HDGFL3: variants seen among roughly 807,000 people sequenced by gnomAD.
The protein encoded by HDGFL3 is hepatoma-derived growth factor-related protein 3.
Under a neutral mutation model 27.6 loss-of-function variants are expected in HDGFL3, and 6 were observed. That is an observed-to-expected ratio of 0.22 (90% CI 0.12 to 0.43). The LOEUF (loss-of-function observed/expected upper bound fraction) is 0.43, where lower values mean the gene tolerates loss of function less well. Among genes scored for constraint, HDGFL3 ranks in the 20% least tolerant of loss-of-function variants. HDGFL3 has a pLI of 1.00. For missense variants in HDGFL3, 207 were observed against 250.1 expected (o/e 0.83, Z 1.16); for synonymous variants, 88 against 88.9 (o/e 0.99, Z 0.05).
rs1234289060 is a variant in HDGFL3 at position 83,133,860 on chromosome 15, G to A, written c.*5410C>T. 1 of 152,240 alleles carries A rather than the reference G, an allele frequency of 6.6e-6. No homozygotes were observed. The highest frequency in any genetic ancestry group is 1.5e-5 in the Non-Finnish European group (1 of 68,074). The allele number at this position is 152,240 out of a possible 1,614,324, so 9.4% of individuals were successfully genotyped here. A position where few individuals can be genotyped will look rare whatever the true frequency, so the allele number is the denominator to read the frequency against. ...ACACTTAACATCCTATGCCTTAGGAGAAAGCTATGGTCAGGTGCTCACTCA... is the reference window on the plus strand; with the variant it reads ...ACACTTAACATCCTATGCCTTAGGAAAAAGCTATGGTCAGGTGCTCACTCA... On this transcript the variant is annotated 3_prime_UTR_variant, in exon 6 of 6. Transcript: ENST00000299633.
intron 3 of HDGFL3, among the ~76,000 whole-genome samples, chr15:83,121,349 T>G (rs903790179): frequency 6.6e-6 from 1 of 152,002 alleles, no homozygotes; most frequent in African/African-American, 2.4e-5. Flanking sequence ...CTCAAAGTGC[T>G]GGGATTACAG....
chr15:83,206,856 G>A (rs934984928), intron 1 of HDGFL3, among the ~76,000 whole-genome samples: 2 of 152,256 alleles, frequency 1.3e-5, no homozygotes, highest in Non-Finnish European at 2.9e-5. Flanking sequence ...GGCTCCCGCT[G>A]GCCTCTGGAT....
intron 2 of HDGFL3, among the ~76,000 whole-genome samples, chr15:83,161,410 C>A (rs150112882): frequency 6.6e-6 from 1 of 152,294 alleles, no homozygotes; most frequent in East Asian, 1.9e-4. Context: ...ATCCTCCAGC[C>A]TTGGCCTCCC....
chr15:83,187,823 G>C (rs563379335), intron 1 of HDGFL3, among the ~76,000 whole-genome samples: 1 of 149,410 alleles, frequency 6.7e-6, no homozygotes, highest in African/African-American at 2.5e-5. Flanking sequence ...GGAGGCTGAG[G>C]TTGCAGTGAG....
At chr15:83,122,117 A>C (rs2035312783) in intron 3 of HDGFL3, 2 of 876,512 alleles carry the variant, frequency 2.3e-6, no homozygotes, top group Non-Finnish European at 3.6e-6. Flanking sequence ...GCTTACTAAA[A>C]ACCTGTTTTG....
chr15:83,141,536 A>G (rs1267899517), intron 5 of HDGFL3, among the ~76,000 whole-genome samples: 3 of 152,254 alleles, frequency 2.0e-5, no homozygotes, highest in African/African-American at 7.2e-5. Context: ...TTGAGTGTTC[A>G]GTGAAAACTA....
chr15:83,172,954 C>T (rs545747686), intron 1 of HDGFL3, among the ~76,000 whole-genome samples: 2 of 152,134 alleles, frequency 1.3e-5, no homozygotes, highest in East Asian at 3.9e-4. Context: ...AAGGGGTTGT[C>T]TTGCTGTCTC....
At chr15:83,184,093 C>G (rs1194467510) in intron 1 of HDGFL3, among the ~76,000 whole-genome samples, 1 of 152,206 alleles carries the variant, frequency 6.6e-6, no homozygotes, top group African/African-American at 2.4e-5. Flanking sequence ...CAGTTCATAA[C>G]AGTTGTGCCA....
chr15:83,205,743 T>C (rs115293420), intron 1 of HDGFL3, among the ~76,000 whole-genome samples: 213 of 152,320 alleles, frequency 1.4e-3, no homozygotes, highest in African/African-American at 5.1e-3. Context: ...ATTTCTTACT[T>C]GGCAAACAGA....
intron 1 of HDGFL3, among the ~76,000 whole-genome samples, chr15:83,187,338 T>G (rs1006692197): frequency 3.4e-5 from 5 of 148,770 alleles, no homozygotes; most frequent in African/African-American, 1.3e-4. Flanking sequence ...AGAGTTTTTT[T>G]TTTGTGTGTG....
chr15:83,183,159 T>G (rs2037400587), intron 1 of HDGFL3, among the ~76,000 whole-genome samples: 3 of 152,192 alleles, frequency 2.0e-5, no homozygotes. Context: ...AAGCCGAGGT[T>G]GATTTTTAAA....
rs2036658102 is a variant in HDGFL3, at chr15:83,137,057, A to T, written c.*2213T>A. 6.5e-6 allele frequency: 1 copy of T among 154,308 alleles called. No homozygotes were observed. 9.6% of individuals were successfully genotyped at this position (154,308 alleles called of 1,614,324 possible). ...TTAAAAAATTCAAAACAGTGAATGC[A>T]GACTGGAGGAGTAACTTTTGCAAAT... is the stretch of plus-strand genomic sequence containing the variant. On this transcript the variant is annotated 3_prime_UTR_variant, in exon 6 of 6. Transcript: ENST00000299633.
intron 1 of HDGFL3, among the ~76,000 whole-genome samples, chr15:83,199,635 T>C (rs936853121): frequency 2.6e-5 from 4 of 152,196 alleles, no homozygotes; most frequent in Admixed American, 2.0e-4. Context: ...ATTCAGAATA[T>C]GAGTTTCAAT....
intron 1 of HDGFL3, among the ~76,000 whole-genome samples, chr15:83,187,679 C>T (rs994005690): frequency 2.0e-5 from 3 of 151,694 alleles, no homozygotes; most frequent in Non-Finnish European, 4.4e-5. Context: ...ACCTAAGGTC[C>T]GGAGTTCGAG....
chr15:83,164,882 C>G (rs968075860), intron 1 of HDGFL3, among the ~76,000 whole-genome samples: 34 of 152,180 alleles, frequency 2.2e-4, no homozygotes, highest in Admixed American at 2.0e-4. Context: ...CTCCTCATGC[C>G]ATGATTCGGC....
chr15:83,182,536 GAA>G (rs1469530093), intron 1 of HDGFL3, among the ~76,000 whole-genome samples: 1 of 152,088 alleles, frequency 6.6e-6, no homozygotes, highest in African/African-American at 2.4e-5. Flanking sequence ...CTAAATGAAA[GAA>G]GACTTACACA....
At chr15:83,188,858 C>T (rs1188295741) in intron 1 of HDGFL3, among the ~76,000 whole-genome samples, 1 of 152,162 alleles carries the variant, frequency 6.6e-6, no homozygotes, top group Non-Finnish European at 1.5e-5. Flanking sequence ...TTCAGACTCA[C>T]ATATTGGGTG....
rs2036065442 is a variant in HDGFL3, at chr15:83,129,613, T to C, written c.*9657A>G. On this transcript the variant is annotated 3_prime_UTR_variant, in exon 6 of 6. Transcript: ENST00000299633. ...AAATCCTGTCTGACTCCAAAGCTCA[T>C]ATTCTTCTCCATTGTGTTATCTCAC... The C allele has an allele frequency of 6.6e-6, 1 of 152,228 alleles. No individual in the cohort carries two copies. Among genetic ancestry groups the C allele is most frequent in the African/African-American group, 2.4e-5 (1 of 41,464 alleles). 9.4% of individuals were successfully genotyped at this position (152,228 alleles called of 1,614,324 possible).
chr15:83,124,534 T>C (rs2035558726), downstream of HDGFL3: 1 of 637,714 alleles, frequency 1.6e-6, no homozygotes, highest in African/African-American at 1.9e-5. Flanking sequence ...TTTCCTAAAG[T>C]TCCATGGCCA....
Sources: allele counts gnomAD v4.1 joint callset (sites outside exome capture counted in the v4.1 genomes callset), GRCh38; gene constraint gnomAD v4.1.1; transcripts MANE v1.5; gene names NCBI Gene and HGNC (gene_info 2026-07-23, HGNC 2026-07-21).